SF3A1: variants seen among roughly 807,000 people sequenced by gnomAD.
SF3A1 encodes the protein splicing factor 3a subunit 1.
SF3A1 carries 13 observed loss-of-function variants against 89.9 expected under a neutral mutation model. That is an observed-to-expected ratio of 0.14 (90% CI 0.09 to 0.23). The LOEUF (loss-of-function observed/expected upper bound fraction) is 0.23, where lower values mean the gene tolerates loss of function less well. SF3A1 is among the 10% of genes least tolerant of loss of function. The pLI is 1.00. For synonymous variants in SF3A1, 405 were observed against 374.4 expected (o/e 1.08, Z -0.94); for missense variants, 604 against 1,022.1 (o/e 0.59, Z 5.58).
intron 1 of SF3A1, among the ~76,000 whole-genome samples, chr22:30,355,340 T>C (rs1931750604): frequency 6.6e-6 from 1 of 152,166 alleles, no homozygotes; most frequent in African/African-American, 2.4e-5. Context: ...ACATTACAGA[T>C]GACAAAACTG....
At chr22:30,348,284 C>T (rs903397061) in intron 2 of SF3A1, among the ~76,000 whole-genome samples, 7 of 152,194 alleles carry the variant, frequency 4.6e-5, no homozygotes, top group East Asian at 1.9e-4. Flanking sequence ...GGCATGGCCC[C>T]GGCATCTGGT....
Position 30,339,490 on chromosome 22 carries a change from A to G in SF3A1, c.1376-239T>C, listed in dbSNP as rs1931180562. On this transcript the variant is annotated intron_variant, in intron 9 of 15. Coordinates refer to ENST00000215793, the MANE Select transcript of SF3A1 (RefSeq NM_005877.6). ...AACGGTAGGCCAGGCACAGTGGCTC[A>G]TGCTTGTAATCCCAGCACTTTGGGG... Among the ~76,000 whole-genome samples, 3 of 152,336 alleles carry G rather than the reference A, an allele frequency of 2.0e-5. No individual in the cohort carries two copies. In the South Asian group the frequency reaches 6.2e-4, roughly 32 times the overall value.
At chr22:30,340,505 T>G in intron 8 of SF3A1, 124 bp from the exon 9 acceptor site, 1 of 1,040,588 alleles carries the variant, frequency 9.6e-7, no homozygotes, top group African/African-American at 1.6e-5. Context: ...TACCTGGCAC[T>G]GTGAAAGGCA....
intron 1 of SF3A1, among the ~76,000 whole-genome samples, chr22:30,355,567 T>C (rs530345591): frequency 6.6e-6 from 1 of 152,196 alleles, no homozygotes; most frequent in Non-Finnish European, 1.5e-5. Context: ...CACTCCCTTT[T>C]CTTCCCACTG....
At chr22:30,355,860 CG>C (rs1601704756) in intron 1 of SF3A1, among the ~76,000 whole-genome samples, 1 of 132,488 alleles carries the variant, frequency 7.5e-6, no homozygotes, top group East Asian at 2.6e-4. Context: ...CAATGATCAG[CG>C]TATGTGTTCA....
At chr22:30,355,871 A>G (rs2145829726) in intron 1 of SF3A1, among the ~76,000 whole-genome samples, 1 of 125,618 alleles carries the variant, frequency 8.0e-6, no homozygotes, top group East Asian at 2.6e-4. Context: ...GTATGTGTTC[A>G]ATAAATATTT....
At chr22:30,335,342 A>G (rs1666864765) in intron 15 of SF3A1, 125 bp downstream of exon 15, 1 of 821,460 alleles carries the variant, frequency 1.2e-6, no homozygotes. Flanking sequence ...GACTTCTAGG[A>G]TGGATTCAGA....
chr22:30,341,851 C>T lies in SF3A1; in HGVS notation c.912G>A (p.Leu304=). ...NFPPPTTPEE[L]GARILIQERY... ...GCTCCTGAATGAGGATTCGGGCCCC[C>T]AGCTCCTCTGGCGTGGTGGGGGGAG... The change falls in exon 7 of 16, where the codon CTG becomes CTA. Residue 304 remains leucine (L), a synonymous_variant. Coordinates refer to ENST00000215793, the MANE Select transcript of SF3A1 (RefSeq NM_005877.6). 1.2e-6 allele frequency: 2 copies of T among 1,613,782 alleles called. No homozygotes were observed. The highest frequency in any genetic ancestry group is 1.7e-6 in the Non-Finnish European group (2 of 1,180,016).
At chr22:30,352,872 A>C in intron 2 of SF3A1, 79 bp downstream of exon 2, 4 of 1,539,914 alleles carry the variant, frequency 2.6e-6, no homozygotes, top group Non-Finnish European at 3.5e-6. Flanking sequence ...ACGTCTCTTT[A>C]AAAACCCTTG....
At chr22:30,350,590 A>G (rs1185470754) in intron 2 of SF3A1, among the ~76,000 whole-genome samples, 2 of 152,230 alleles carry the variant, frequency 1.3e-5, no homozygotes, top group Non-Finnish European at 2.9e-5. Flanking sequence ...ATAAAGGACC[A>G]CAGGGCATTA....
chr22:30,340,056 G>C, intron 9 of SF3A1, 140 bp downstream of exon 9: 1 of 662,068 alleles, frequency 1.5e-6, no homozygotes, highest in Middle Eastern at 4.3e-4. Flanking sequence ...TGGAAAGTGG[G>C]GAGTTCTCTT....
intron 12 of SF3A1, 118 bp downstream of exon 12, chr22:30,337,572 T>C (rs1931109496): frequency 1.4e-6 from 1 of 716,182 alleles, no homozygotes; most frequent in African/African-American, 1.7e-5. Context: ...AGGGCTCTCC[T>C]CTGGGCTGGA....
At chr22:30,356,312 A>G (rs927003536) in intron 1 of SF3A1, among the ~76,000 whole-genome samples, 1 of 152,232 alleles carries the variant, frequency 6.6e-6, no homozygotes, top group African/African-American at 2.4e-5. Context: ...ACATCCAAAG[A>G]TGTACCGTGC....
chr22:30,338,644 T>C (rs993538995), intron 11 of SF3A1, 145 bp downstream of exon 11: 1 of 997,414 alleles, frequency 1.0e-6, no homozygotes, highest in Non-Finnish European at 1.5e-6. Context: ...GGTTCCCACT[T>C]GCATTTAAAG....
At position 30,340,393 on chromosome 22, in the gene SF3A1, CAG is replaced by C; in HGVS notation, c.1190-14_1190-13del. ...CAAGGGCTTGGAGGCTAAAAGGAAA[CAG>C]ATGTTTCAGTAAGAACACTGGTGGG... On this transcript the variant is annotated splice_polypyrimidine_tract_variant and intron_variant, in intron 8 of 15. Transcript: ENST00000215793. 1 of 1,610,762 alleles carries C rather than the reference CAG, an allele frequency of 6.2e-7. No homozygotes were observed. Among genetic ancestry groups the C allele is most frequent in the Non-Finnish European group, 8.5e-7 (1 of 1,179,140 alleles).
intron 9 of SF3A1, 38 bp downstream of exon 9, chr22:30,340,158 G>A (rs2074732): frequency 0.3 from 424,848 of 1,425,454 alleles, 65,086 homozygotes; most frequent in East Asian, 0.43. Context: ...GCTGTAATTC[G>A]GAGACTACCA....
At position 30,337,115 on chromosome 22, in the gene SF3A1, G is replaced by T. The variant is rs142230972; in HGVS notation, c.2017C>A (p.Pro673Thr). 6.2e-7 allele frequency: 1 copy of T among 1,614,000 alleles called. No individual in the cohort carries two copies. Among genetic ancestry groups the T allele is most frequent in the African/African-American group, 1.3e-5 (1 of 74,920 alleles). ...GTGGGCTCATCTTCCATGGGAGGTGGGGGATGCACAGGGGGCATTGGGGCT... is the reference window on the plus strand; with the variant it reads ...GTGGGCTCATCTTCCATGGGAGGTGTGGGATGCACAGGGGGCATTGGGGCT... ...APAPMPPVHP[P>T]PPMEDEPTSK... Residue 673 changes from proline to threonine, a missense_variant, in exon 13 of 16, where the codon CCA (proline) becomes ACA (threonine). Pro to Thr is a conservative substitution (Grantham distance 38, BLOSUM62 -1). This residue lies in a region of SF3A1 where 45 missense variants were observed against 41.1 expected (regional missense o/e 1.09). Transcript: ENST00000215793.
At chr22:30,351,043 G>A (rs1027017863) in intron 2 of SF3A1, among the ~76,000 whole-genome samples, 4 of 152,264 alleles carry the variant, frequency 2.6e-5, no homozygotes, top group East Asian at 1.9e-4. Context: ...GCTCACGCCT[G>A]TAATCCCAGC....
rs755133649 is a variant in SF3A1 at position 30,335,707 on chromosome 22, G to A, written c.2153C>T (p.Thr718Met). ...CACCTGCCCATTCAGTTTCCATTCC[G>A]TCTTATCCTGCATGTTGGGCACCTG... ...KVQVPNMQDK[T>M]EWKLNGQVLV... is the part of the protein sequence containing the mutation. The change falls in exon 14 of 16, where the codon ACG (threonine) becomes ATG (methionine). Residue 718 changes from threonine to methionine, a missense_variant. Transcript: ENST00000215793. The A allele has an allele frequency of 7.4e-6, 12 of 1,614,054 alleles. No individual in the cohort carries two copies. Among genetic ancestry groups the A allele is most frequent in the African/African-American group, 2.7e-5 (2 of 74,906 alleles).
Sources: gnomAD v4.1 joint callset for allele counts (sites outside exome capture counted in the v4.1 genomes callset) on GRCh38, gnomAD v4.1.1 for gene constraint, gnomAD v4.1.1 regional missense constraint, MANE v1.5 for transcripts, NCBI Gene and HGNC (gene_info 2026-07-23, HGNC 2026-07-21) for gene names.